ANKIB1: variants seen among roughly 807,000 people sequenced by gnomAD.
The protein encoded by ANKIB1 is ankyrin repeat and IBR domain containing 1.
Under a neutral mutation model 122.1 loss-of-function variants are expected in ANKIB1, and 43 were observed. The observed-to-expected ratio is 0.35, with a 90% confidence interval of 0.28 to 0.45. ANKIB1 has a LOEUF of 0.45. Among genes scored for constraint, ANKIB1 ranks in the 20% least tolerant of loss-of-function variants. The pLI, the probability that ANKIB1 is intolerant of heterozygous loss-of-function variation, is 1.00. For missense variants in ANKIB1, 992 were observed against 1,329.5 expected (o/e 0.75, Z 3.95); for synonymous variants, 390 against 442.0 (o/e 0.88, Z 1.48).
chr7:92,375,769 G>A (rs1804366217), intron 11 of ANKIB1, among the ~76,000 whole-genome samples: 1 of 152,162 alleles, frequency 6.6e-6, no homozygotes, highest in Non-Finnish European at 1.5e-5. Context: ...CTTTCCAGAA[G>A]ATTTTCCATT....
At chr7:92,348,177 C>T (rs1803580720) in intron 7 of ANKIB1, among the ~76,000 whole-genome samples, 1 of 151,984 alleles carries the variant, frequency 6.6e-6, no homozygotes, top group African/African-American at 2.4e-5. Flanking sequence ...ATTTAATTCC[C>T]CAGAGATGAT....
chr7:92,285,357 T>C (rs1802098395), intron 1 of ANKIB1, among the ~76,000 whole-genome samples: 1 of 151,834 alleles, frequency 6.6e-6, no homozygotes, highest in Non-Finnish European at 1.5e-5. Context: ...AGTCCTATGA[T>C]TTTTTAAATT....
chr7:92,327,933 C>A, intron 5 of ANKIB1, 33 bp downstream of exon 5: 1 of 1,396,874 alleles, frequency 7.2e-7, no homozygotes, highest in Admixed American at 2.4e-5. Flanking sequence ...CTTCTAAGAA[C>A]ATGAGTAACT....
At chr7:92,293,024 G>A (rs1297737299) in intron 1 of ANKIB1, among the ~76,000 whole-genome samples, 2 of 152,138 alleles carry the variant, frequency 1.3e-5, no homozygotes, top group Non-Finnish European at 2.9e-5. Context: ...ATTACATATA[G>A]TAGTGGGCCA....
chr7:92,369,087 A>T (rs1385275690), intron 10 of ANKIB1, among the ~76,000 whole-genome samples: 1 of 152,242 alleles, frequency 6.6e-6, no homozygotes, highest in Non-Finnish European at 1.5e-5. Context: ...TTAAATGTTT[A>T]AATGTGAAGT....
At chr7:92,383,412 A>C (rs1008921209) in intron 11 of ANKIB1, among the ~76,000 whole-genome samples, 8 of 152,242 alleles carry the variant, frequency 5.3e-5, no homozygotes, top group African/African-American at 1.9e-4. Context: ...GCATCCTCAT[A>C]CCAAAGCCTG....
intron 5 of ANKIB1, among the ~76,000 whole-genome samples, chr7:92,337,010 C>G (rs984321507): frequency 6.6e-6 from 1 of 152,124 alleles, no homozygotes; most frequent in Non-Finnish European, 1.5e-5. Context: ...GAGGGCTATC[C>G]TATCATTTGT....
At chr7:92,259,764 G>T (rs569795054) in intron 1 of ANKIB1, among the ~76,000 whole-genome samples, 1 of 152,000 alleles carries the variant, frequency 6.6e-6, no homozygotes, top group Admixed American at 6.5e-5. Context: ...CTCACCTCCC[G>T]CAGTCTTCCT....
chr7:92,299,344 G>A (rs1011636144), intron 2 of ANKIB1, among the ~76,000 whole-genome samples: 1 of 152,174 alleles, frequency 6.6e-6, no homozygotes, highest in African/African-American at 2.4e-5. Flanking sequence ...TAAAAATTAT[G>A]TATGGGTGAA....
chr7:92,272,566 T>C (rs1801820054), intron 1 of ANKIB1, among the ~76,000 whole-genome samples: 1 of 152,078 alleles, frequency 6.6e-6, no homozygotes, highest in Non-Finnish European at 1.5e-5. Context: ...TGAAAAGCCC[T>C]AGGATGACAG....
At chr7:92,303,310 G>A (rs925274667) in intron 2 of ANKIB1, among the ~76,000 whole-genome samples, 1 of 152,148 alleles carries the variant, frequency 6.6e-6, no homozygotes, top group African/African-American at 2.4e-5. Context: ...GCTCAAATGA[G>A]CATTTTCTTT....
chr7:92,310,519 A>G (rs1200070651), intron 3 of ANKIB1, among the ~76,000 whole-genome samples: 1 of 152,192 alleles, frequency 6.6e-6, no homozygotes, highest in Non-Finnish European at 1.5e-5. Flanking sequence ...GGAAGCATAT[A>G]TTAACTATCT....
chr7:92,352,875 G>C (rs894711965), intron 9 of ANKIB1, among the ~76,000 whole-genome samples: 2 of 152,162 alleles, frequency 1.3e-5, no homozygotes, highest in African/African-American at 4.8e-5. Flanking sequence ...GCTGAGTTGA[G>C]TTGATGTTAT....
At chr7:92,257,753 T>C (rs1480326571) in intron 1 of ANKIB1, among the ~76,000 whole-genome samples, 1 of 152,160 alleles carries the variant, frequency 6.6e-6, no homozygotes, top group African/African-American at 2.4e-5. Context: ...GATCGCGCCA[T>C]TGTGCTCCAG....
At chr7:92,310,888 A>G (rs535365300) in intron 3 of ANKIB1, among the ~76,000 whole-genome samples, 2 of 152,322 alleles carry the variant, frequency 1.3e-5, no homozygotes, top group East Asian at 1.9e-4. Flanking sequence ...TGGAAACCAC[A>G]GATAGAGAAG....
intron 5 of ANKIB1, among the ~76,000 whole-genome samples, chr7:92,341,678 C>T (rs1562787256): frequency 6.6e-6 from 1 of 152,094 alleles, no homozygotes; most frequent in Non-Finnish European, 1.5e-5. Flanking sequence ...TGATATTCTA[C>T]CTATGTAAAA....
intron 2 of ANKIB1, among the ~76,000 whole-genome samples, chr7:92,296,718 A>G (rs773293567): frequency 2.0e-5 from 3 of 152,096 alleles, no homozygotes; most frequent in Non-Finnish European, 4.4e-5. Flanking sequence ...GTATCTTTGT[A>G]CTTCTAGCAT....
chr7:92,342,402 G>A (rs1050283708), intron 5 of ANKIB1, among the ~76,000 whole-genome samples: 1 of 152,120 alleles, frequency 6.6e-6, no homozygotes, highest in African/African-American at 2.4e-5. Flanking sequence ...ATTATAGTAT[G>A]TTTTACTTGG....
intron 1 of ANKIB1, among the ~76,000 whole-genome samples, chr7:92,257,607 A>G (rs1368369772): frequency 6.6e-6 from 1 of 152,176 alleles, no homozygotes; most frequent in East Asian, 1.9e-4. Flanking sequence ...AGCCTGACCA[A>G]CATGGAGAAA....
Sources: gnomAD v4.1 joint callset for allele counts (sites outside exome capture counted in the v4.1 genomes callset) on GRCh38, gnomAD v4.1.1 for gene constraint, MANE v1.5 for transcripts, NCBI Gene and HGNC (gene_info 2026-07-23, HGNC 2026-07-21) for gene names.